TNIK: variants seen among roughly 807,000 people sequenced by gnomAD.
TNIK encodes the protein TRAF2 and NCK-interacting protein kinase.
In TNIK, 49 loss-of-function variants were observed where a neutral mutation model predicts 191.3. The ratio of observed to expected loss-of-function variants is 0.26; its 90% CI spans 0.20 to 0.32. TNIK has a LOEUF of 0.32. TNIK is among the 10% of genes least tolerant of loss of function. TNIK has a pLI of 1.00. For synonymous variants in TNIK, 594 were observed against 600.9 expected, an observed-to-expected ratio of 0.99 and a Z score of 0.17; for missense variants, 1,155 against 1,702.3, an observed-to-expected ratio of 0.68 and a Z score of 5.66.
intron 22 of TNIK, among the ~76,000 whole-genome samples, chr3:171,095,493 T>G (rs1257623031): frequency 6.6e-6 from 1 of 152,250 alleles, no homozygotes; most frequent in East Asian, 1.9e-4. Flanking sequence ...CAAGGCTTAT[T>G]TCTCTCTAGG....
At chr3:171,338,175 A>ATT (rs139508167) in intron 2 of TNIK, among the ~76,000 whole-genome samples, 3 of 151,816 alleles carry the variant, frequency 2.0e-5, no homozygotes, top group Non-Finnish European at 4.4e-5. Flanking sequence ...TCAACCAACA[A>ATT]TTTTTTTAAG....
chr3:171,114,362 T>C (rs1249036657), intron 18 of TNIK, among the ~76,000 whole-genome samples: 1 of 152,244 alleles, frequency 6.6e-6, no homozygotes, highest in East Asian at 1.9e-4. Context: ...TCAGGCACTC[T>C]GTACTGTGTT....
At chr3:171,447,327 A>ATAATCTGACATTGG (rs1488007533) in intron 1 of TNIK, among the ~76,000 whole-genome samples, 1 of 150,396 alleles carries the variant, frequency 6.6e-6, no homozygotes, top group Non-Finnish European at 1.5e-5. Flanking sequence ...AAAACACGTT[A>ATAATCTGACATTGG]TAATCTGACA....
intron 2 of TNIK, among the ~76,000 whole-genome samples, chr3:171,327,262 A>C (rs1344979979): frequency 6.6e-6 from 1 of 152,208 alleles, no homozygotes; most frequent in Non-Finnish European, 1.5e-5. Flanking sequence ...ACTCAAGTGG[A>C]AAAACACTGG....
At chr3:171,157,746 A>T (rs1286532049) in intron 11 of TNIK, 82 bp from the exon 12 acceptor site, 18 of 1,379,802 alleles carry the variant, frequency 1.3e-5, no homozygotes, top group Admixed American at 2.1e-5. Flanking sequence ...GGAAAGCGGG[A>T]CAAATGATTC....
chr3:171,077,461 G>A (rs1379370964), intron 28 of TNIK, among the ~76,000 whole-genome samples: 2 of 152,204 alleles, frequency 1.3e-5, no homozygotes, highest in Non-Finnish European at 2.9e-5. Flanking sequence ...CCTCCCCAAT[G>A]TGGGTGGGCC....
At chr3:171,353,556 A>G (rs555832400) in intron 2 of TNIK, among the ~76,000 whole-genome samples, 1 of 152,312 alleles carries the variant, frequency 6.6e-6, no homozygotes, top group East Asian at 1.9e-4. Context: ...TTTTAAAGAG[A>G]CACATTAACA....
At chr3:171,211,700 A>T (rs1740847988) in intron 3 of TNIK, among the ~76,000 whole-genome samples, 1 of 152,176 alleles carries the variant, frequency 6.6e-6, no homozygotes, top group African/African-American at 2.4e-5. Context: ...CTTTCATTGA[A>T]GTACCTGACT....
chr3:171,303,268 TCTATGCTTC>T (rs2108276485), intron 2 of TNIK, among the ~76,000 whole-genome samples: 1 of 152,308 alleles, frequency 6.6e-6, no homozygotes, highest in South Asian at 2.1e-4. Context: ...CCTGCCTCTT[TCTATGCTTC>T]AGAGAATCTG....
At chr3:171,395,177 A>G (rs1720061136) in intron 1 of TNIK, among the ~76,000 whole-genome samples, 1 of 152,214 alleles carries the variant, frequency 6.6e-6, no homozygotes, top group Admixed American at 6.5e-5. Flanking sequence ...TGGCACAGTA[A>G]AAGCTAATAT....
chr3:171,314,757 AG>A (rs1754421907), intron 2 of TNIK, among the ~76,000 whole-genome samples: 1 of 152,122 alleles, frequency 6.6e-6, no homozygotes, highest in African/African-American at 2.4e-5. Context: ...GAGAGTTATG[AG>A]GCTTGAGGGG....
In TNIK at chr3:171,107,185, C is replaced by T; in HGVS notation, c.2404G>A (p.Glu802Lys). The change falls in exon 21 of 33, where the codon GAG (glutamate) becomes AAG (lysine). Residue 802 changes from glutamate (E) to lysine (K), a missense_variant and splice_region_variant. By Grantham distance (56) the Glu-to-Lys change is moderately conservative (BLOSUM62 1). Coordinates refer to ENST00000436636, the MANE Select transcript of TNIK (RefSeq NM_015028.4). ...RPASYKKAID[E>K]DLTALAKELR... ...GACCAAGAAAAGGTAATACTAACCT[C>T]ATCTATAGCTTTTTTGTAGCTCTGA... 1 of 1,612,258 alleles carries T rather than the reference C, an allele frequency of 6.2e-7. No individual in the cohort carries two copies. The highest frequency in any genetic ancestry group is 8.5e-7 in the Non-Finnish European group (1 of 1,179,320).
chr3:171,267,016 AT>A (rs1235598116), intron 2 of TNIK, among the ~76,000 whole-genome samples: 1 of 152,238 alleles, frequency 6.6e-6, no homozygotes, highest in African/African-American at 2.4e-5. Context: ...TTTCAGCATT[AT>A]AAATTTTTTC....
At chr3:171,434,229 C>T (rs937518289) in intron 1 of TNIK, among the ~76,000 whole-genome samples, 3 of 151,976 alleles carry the variant, frequency 2.0e-5, no homozygotes, top group African/African-American at 7.2e-5. Context: ...AGCCACCATG[C>T]CTGGCCAAGG....
At chr3:171,382,006 G>C (rs1297592093) in intron 1 of TNIK, among the ~76,000 whole-genome samples, 2 of 152,146 alleles carry the variant, frequency 1.3e-5, no homozygotes, top group African/African-American at 4.8e-5. Context: ...TCTTTATCTT[G>C]AAAGAGAAAC....
At chr3:171,106,182 G>T (rs1202469344) in intron 21 of TNIK, among the ~76,000 whole-genome samples, 2 of 152,148 alleles carry the variant, frequency 1.3e-5, no homozygotes, top group African/African-American at 4.8e-5. Context: ...CATGCCTCTG[G>T]CCCAAACCTT....
intron 15 of TNIK, among the ~76,000 whole-genome samples, chr3:171,130,180 C>G (rs907115531): frequency 5.9e-5 from 9 of 152,156 alleles, no homozygotes; most frequent in Admixed American, 3.3e-4. Context: ...GCTATTTTCC[C>G]CCATCCTCCC....
chr3:171,232,024 G>A (rs1222066670), intron 2 of TNIK, among the ~76,000 whole-genome samples: 1 of 152,056 alleles, frequency 6.6e-6, no homozygotes, highest in African/African-American at 2.4e-5. Flanking sequence ...GCTTCACATA[G>A]GATTTTTAAT....
intron 2 of TNIK, among the ~76,000 whole-genome samples, chr3:171,284,549 G>C (rs1750812748): frequency 6.6e-6 from 1 of 151,892 alleles, no homozygotes; most frequent in African/African-American, 2.4e-5. Flanking sequence ...ATCATGTCTT[G>C]ACTTCTCTCT....
Sources: gnomAD v4.1 joint callset for allele counts (sites outside exome capture counted in the v4.1 genomes callset) on GRCh38, gnomAD v4.1.1 for gene constraint, MANE v1.5 for transcripts, NCBI Gene and HGNC (gene_info 2026-07-23, HGNC 2026-07-21) for gene names.